Variants in FAM120B observed in about 807,000 individuals in gnomAD.
FAM120B encodes constitutive coactivator of peroxisome proliferator-activated receptor gamma.
A neutral mutation model predicts 96.3 loss-of-function variants in FAM120B; 83 were observed. The ratio of observed to expected loss-of-function variants is 0.86; its 90% confidence interval spans 0.72 to 1.03. The LOEUF is 1.03. FAM120B is among the 50% of genes least tolerant of loss of function. The pLI is 0.00. For missense variants in FAM120B, 1,027 were observed against 1,121.2 expected (o/e 0.92, Z 1.20); for synonymous variants, 407 against 402.7 (o/e 1.01, Z -0.13).
chr6:170,402,772 G>A (rs536216785), intron 9 of FAM120B, among the ~76,000 whole-genome samples: 1 of 152,344 alleles, frequency 6.6e-6, no homozygotes, highest in South Asian at 2.1e-4. Context: ...CAGTCTGGGT[G>A]CAAGGCCTAA....
chr6:170,347,136 A>G (rs1787245671), intron 4 of FAM120B, among the ~76,000 whole-genome samples: 1 of 152,172 alleles, frequency 6.6e-6, no homozygotes, highest in African/African-American at 2.4e-5. Flanking sequence ...AAGAAAAGAA[A>G]GAGAAGAATT....
intron 6 of FAM120B, among the ~76,000 whole-genome samples, chr6:170,375,570 C>T (rs1789459699): frequency 6.6e-6 from 1 of 152,170 alleles, no homozygotes; most frequent in Non-Finnish European, 1.5e-5. Flanking sequence ...TGAGCAGCCC[C>T]AGTTGATAAA....
At chr6:170,343,020 C>G (rs1244712314) in intron 4 of FAM120B, among the ~76,000 whole-genome samples, 4 of 152,208 alleles carry the variant, frequency 2.6e-5, no homozygotes, top group Admixed American at 2.6e-4. Context: ...AGTACATTTC[C>G]TTTAAACTGA....
At chr6:170,387,438 C>T (rs1294525061) in intron 6 of FAM120B, among the ~76,000 whole-genome samples, 1 of 152,220 alleles carries the variant, frequency 6.6e-6, no homozygotes. Flanking sequence ...TTCAGTTTCA[C>T]TTACCTCATT....
At chr6:170,315,780 C>T (rs181675253) in intron 1 of FAM120B, among the ~76,000 whole-genome samples, 99 of 152,058 alleles carry the variant, frequency 6.5e-4, no homozygotes, top group Admixed American at 1.1e-3. Flanking sequence ...GGGCTAGAGC[C>T]CATTAAAAAT....
At position 170,388,501 on chromosome 6, in the gene FAM120B, C is replaced by G. The variant is rs1281182684; in HGVS notation, c.2490+8C>G. ...GTTCTTTTAGAACAAAATGTGAGTT[C>G]ACAGACACCTACCTTTCACCAGAAA... On this transcript the variant is annotated splice_region_variant and intron_variant, in intron 7 of 10. Transcript: ENST00000476287. The G allele has an allele frequency of 1.9e-6, 3 of 1,610,934 alleles. No homozygotes were observed. The highest frequency in any genetic ancestry group is 2.2e-5 in the South Asian group (2 of 91,030).
chr6:170,365,984 C>T (rs1788767416), intron 6 of FAM120B, among the ~76,000 whole-genome samples: 1 of 152,090 alleles, frequency 6.6e-6, no homozygotes, highest in Non-Finnish European at 1.5e-5. Context: ...AGCAGGAACT[C>T]CTCACAATCA....
rs568804629 is a variant in FAM120B at position 170,398,324 on chromosome 6, T to C, written c.2692+2745T>C. On this transcript the variant is annotated intron_variant, in intron 9 of 10. Transcript: ENST00000476287. ...AACTCTTAGGAGTCAATAAGGAAGG[T>C]AGAACTATGTCATAACTCTTAGGAG... Among the ~76,000 whole-genome samples the C allele has an allele frequency of 9.8e-5, 15 of 152,358 alleles. 1 individual carries two copies. In the Middle Eastern group the frequency reaches 0.01, roughly 104 times the overall value.
At position 170,363,689 on chromosome 6, in the gene FAM120B, G is replaced by A. The variant is rs1055812424; in HGVS notation, c.2283+5371G>A. On this transcript the variant is annotated intron_variant, in intron 6 of 10. Transcript: ENST00000476287. The surrounding 1 kb of genome is among the most constrained non-coding windows in gnomAD (Gnocchi z 4.5). Reference sequence around the variant, plus strand: ...CCATTTCCTTGGTAATCACTGTGCTGTGATAGTGTGTGCACCAGCGAAACA... The same window carrying A: ...CCATTTCCTTGGTAATCACTGTGCTATGATAGTGTGTGCACCAGCGAAACA... Among the ~76,000 whole-genome samples, 3 of 152,258 alleles carry A rather than the reference G, an allele frequency of 2.0e-5. No homozygotes were observed. Among genetic ancestry groups the A allele is most frequent in the Non-Finnish European group, 4.4e-5 (3 of 68,040 alleles).
intron 6 of FAM120B, among the ~76,000 whole-genome samples, chr6:170,361,241 T>TATATATATATATATAC: frequency 9.7e-6 from 1 of 103,572 alleles, no homozygotes; most frequent in Admixed American, 1.1e-4. Context: ...TATATACACG[T>TATATATATATATATAC]ATATATATAT....
chr6:170,397,332 A>G (rs1048259996), intron 9 of FAM120B, among the ~76,000 whole-genome samples: 1 of 152,140 alleles, frequency 6.6e-6, no homozygotes. Context: ...TGCTGCTTGA[A>G]ATAGCAAATC....
chr6:170,404,539 GT>G lies in FAM120B; in HGVS notation c.2693-8del. 6.2e-7 allele frequency: 1 copy of G among 1,613,278 alleles called. No individual in the cohort carries two copies. Among genetic ancestry groups the G allele is most frequent in the Non-Finnish European group, 8.5e-7 (1 of 1,179,508 alleles). On this transcript the variant is annotated splice_polypyrimidine_tract_variant and intron_variant, in intron 9 of 10. Transcript: ENST00000476287. ...AATTCTTACTTTGGTTTTCATGTCT[GT>G]TTACTGCAGGAAGCAGACAGTATGA... is the stretch of plus-strand genomic sequence containing the variant.
chr6:170,293,990 C>T (rs542919811), upstream of FAM120B, among the ~76,000 whole-genome samples: 1 of 152,284 alleles, frequency 6.6e-6, no homozygotes, highest in East Asian at 1.9e-4. Flanking sequence ...CTTAGGGATT[C>T]GAGCTGGAGG....
upstream of FAM120B, chr6:170,290,805 A>G (rs1211737012): frequency 5.1e-6 from 3 of 592,354 alleles, no homozygotes; most frequent in East Asian, 2.9e-5. The surrounding 1 kb of genome is among the most constrained non-coding windows in gnomAD (Gnocchi z 4.7). Flanking sequence ...AATGCCATCC[A>G]GTACACACGC....
chr6:170,333,196 C>A (rs1293870385), intron 4 of FAM120B, among the ~76,000 whole-genome samples: 2 of 102,580 alleles, frequency 1.9e-5, no homozygotes, highest in Non-Finnish European at 3.6e-5. Flanking sequence ...GTATTGAAAA[C>A]CTAATCACTA....
chr6:170,404,561 T>TCTGC lies in FAM120B; in HGVS notation c.2704_2705insCTGC (p.Tyr902SerfsTer3). 6.2e-7 allele frequency: 1 copy of TCTGC among 1,614,040 alleles called. No homozygotes were observed. The highest frequency in any genetic ancestry group is 8.5e-7 in the Non-Finnish European group (1 of 1,179,924). ...TCTGTTTACTGCAGGAAGCAGACAGTATGAGCATGACCAGTGGAGAAGGTA... is the reference window on the plus strand; with the variant it reads ...TCTGTTTACTGCAGGAAGCAGACAGTCTGCATGAGCATGACCAGTGGAGAAGGTA... On this transcript the variant is annotated frameshift_variant, in exon 10 of 11. Transcript: ENST00000476287. LOFTEE classifies it high-confidence loss of function.
At chr6:170,367,833 G>T (rs1370921069) in intron 6 of FAM120B, among the ~76,000 whole-genome samples, 1 of 152,130 alleles carries the variant, frequency 6.6e-6, no homozygotes, top group Non-Finnish European at 1.5e-5. Flanking sequence ...CTGAAGTGAG[G>T]ATATAAATTC....
chr6:170,297,365 G>C (rs933393142), intron 1 of FAM120B, among the ~76,000 whole-genome samples: 22 of 152,226 alleles, frequency 1.4e-4, no homozygotes, highest in Non-Finnish European at 2.8e-4. Flanking sequence ...AACAGATGTG[G>C]GCACCTGCGG....
intron 6 of FAM120B, among the ~76,000 whole-genome samples, chr6:170,368,866 A>G (rs997208463): frequency 6.6e-6 from 1 of 150,992 alleles, no homozygotes; most frequent in East Asian, 1.9e-4. Flanking sequence ...GTTTCTCACT[A>G]TGTCCTCATA....
Sources: gnomAD v4.1 joint callset for allele counts (sites outside exome capture counted in the v4.1 genomes callset) on GRCh38, gnomAD v4.1.1 for gene constraint, Gnocchi (gnomAD v3.1) non-coding constraint, MANE v1.5 for transcripts, NCBI Gene and HGNC (gene_info 2026-07-23, HGNC 2026-07-21) for gene names.